AKAP6: variants seen among roughly 807,000 people sequenced by gnomAD.
The protein encoded by AKAP6 is A-kinase anchoring protein 6.
A neutral mutation model predicts 188.5 loss-of-function variants in AKAP6; 58 were observed. The observed-to-expected ratio is 0.31, with a 90% CI of 0.25 to 0.38. The LOEUF (loss-of-function observed/expected upper bound fraction) is 0.38. Among genes scored for constraint, AKAP6 ranks in the 10% least tolerant of loss-of-function variants. The pLI, the probability that AKAP6 is intolerant of heterozygous loss-of-function variation, is 1.00. For missense variants in AKAP6, 2,710 were observed against 2,740.0 expected, an observed-to-expected ratio of 0.99 and a Z score of 0.24; for synonymous variants, 989 against 998.6, an observed-to-expected ratio of 0.99 and a Z score of 0.18.
intron 11 of AKAP6, among the ~76,000 whole-genome samples, chr14:32,736,726 T>A (rs1467447012): frequency 2.0e-5 from 3 of 152,128 alleles, no homozygotes; most frequent in African/African-American, 7.2e-5. Flanking sequence ...CCATTTCTTC[T>A]CAAAGCATCG....
chr14:32,337,447 A>G (rs144436705), intron 1 of AKAP6, among the ~76,000 whole-genome samples: 1 of 152,342 alleles, frequency 6.6e-6, no homozygotes, highest in African/African-American at 2.4e-5. Context: ...AGGTAACAAT[A>G]AAAACTACCA....
At chr14:32,485,306 A>G (rs1229147037) in intron 2 of AKAP6, among the ~76,000 whole-genome samples, 2 of 152,002 alleles carry the variant, frequency 1.3e-5, no homozygotes, top group Admixed American at 1.3e-4. Flanking sequence ...AGAATGATTT[A>G]TAATCGTTTG....
chr14:32,513,408 GT>G (rs1881356750), intron 2 of AKAP6, among the ~76,000 whole-genome samples: 1 of 152,160 alleles, frequency 6.6e-6, no homozygotes, highest in South Asian at 2.1e-4. Context: ...TTAATGATAT[GT>G]TATTTATCTG....
At chr14:32,535,446 T>A (rs1882628664) in intron 2 of AKAP6, 108 bp from the exon 3 acceptor site, 1 of 1,310,122 alleles carries the variant, frequency 7.6e-7, no homozygotes, top group African/African-American at 1.5e-5. Context: ...TGTGCTACTG[T>A]TGGCCCTGAT....
chr14:32,366,758 A>G (rs1887847709), intron 1 of AKAP6, among the ~76,000 whole-genome samples: 3 of 152,036 alleles, frequency 2.0e-5, no homozygotes, highest in Admixed American at 6.6e-5. Context: ...ATGGTCATCA[A>G]AGCTGTAAAA....
At chr14:32,815,235 T>C (rs1417578903) in intron 12 of AKAP6, among the ~76,000 whole-genome samples, 1 of 152,218 alleles carries the variant, frequency 6.6e-6, no homozygotes, top group Non-Finnish European at 1.5e-5. Context: ...TTGTCTGTTT[T>C]GAGTTTCTGA....
chr14:32,350,801 T>C (rs1026117206), intron 1 of AKAP6, among the ~76,000 whole-genome samples: 4 of 152,024 alleles, frequency 2.6e-5, no homozygotes, highest in African/African-American at 9.7e-5. Flanking sequence ...AGTTGAAGAT[T>C]TAACAGGGTA....
Position 32,492,930 on chromosome 14 carries a change from A to G in AKAP6, c.325-42624A>G, listed in dbSNP as rs531729344. On this transcript the variant is annotated intron_variant, in intron 2 of 13. Transcript: ENST00000280979. The stretch of plus-strand genomic sequence containing the variant: ...AAAACCATAAAAATGAAATGCCACC[A>G]TTATAATCTGTGATTAATCTACATT... Among the ~76,000 whole-genome samples, 7 of 152,352 alleles carry G rather than the reference A, an allele frequency of 4.6e-5. No individual in the cohort carries two copies. The South Asian group carries it at 1.4e-3, about 32-fold the overall frequency.
intron 7 of AKAP6, among the ~76,000 whole-genome samples, chr14:32,607,763 T>A (rs1483001174): frequency 6.6e-6 from 1 of 152,172 alleles, no homozygotes; most frequent in Non-Finnish European, 1.5e-5. Context: ...AAATACATTA[T>A]CAATTCTACC....
chr14:32,821,107 G>A (rs997281732), intron 12 of AKAP6, among the ~76,000 whole-genome samples: 11 of 152,216 alleles, frequency 7.2e-5, no homozygotes, highest in African/African-American at 2.7e-4. Context: ...GATTCAAAAT[G>A]TAGATGAATC....
intron 13 of AKAP6, among the ~76,000 whole-genome samples, chr14:32,827,493 G>T (rs751511954): frequency 6.6e-6 from 1 of 152,028 alleles, no homozygotes; most frequent in African/African-American, 2.4e-5. Context: ...TTTATTTACT[G>T]TGTTCTAATT....
At chr14:32,541,870 C>T (rs1882970686) in intron 3 of AKAP6, among the ~76,000 whole-genome samples, 1 of 152,104 alleles carries the variant, frequency 6.6e-6, no homozygotes, top group African/African-American at 2.4e-5. Context: ...AGTTATGAAG[C>T]ACAAAAGTTA....
intron 7 of AKAP6, among the ~76,000 whole-genome samples, chr14:32,617,963 GT>G (rs1566607503): frequency 6.6e-6 from 1 of 151,878 alleles, no homozygotes; most frequent in Non-Finnish European, 1.5e-5. Context: ...TTAAGCGTTT[GT>G]TCCTTTTTTG....
At chr14:32,652,779 G>T (rs1888284553) in intron 7 of AKAP6, among the ~76,000 whole-genome samples, 1 of 152,306 alleles carries the variant, frequency 6.6e-6, no homozygotes, top group South Asian at 2.1e-4. Context: ...TTAGAGTGGT[G>T]CAGTGGCTCA....
chr14:32,597,271 G>GCCAACTATT (rs1168526831), intron 5 of AKAP6, among the ~76,000 whole-genome samples: 3 of 152,112 alleles, frequency 2.0e-5, no homozygotes, highest in African/African-American at 7.2e-5. Context: ...GCTCATGATT[G>GCCAACTATT]CCAACTATTC....
chr14:32,767,714 C>A (rs2032761823), intron 11 of AKAP6, among the ~76,000 whole-genome samples: 1 of 152,144 alleles, frequency 6.6e-6, no homozygotes, highest in African/African-American at 2.4e-5. Flanking sequence ...ACCTTTCTTA[C>A]CTTCAGCAAC....
rs1291877495 is a variant in AKAP6, at chr14:32,545,647, G to A, written c.994G>A (p.Ala332Thr). The change falls in exon 4 of 14, where the codon GCT (alanine) becomes ACT (threonine). Residue 332 changes from alanine to threonine, a missense_variant. Physicochemically the swap from Ala to Thr is moderately conservative, Grantham distance 58. Coordinates refer to ENST00000280979, the MANE Select transcript of AKAP6 (RefSeq NM_004274.5). The part of the protein sequence containing the change: ...TLGVSSSSGE[A>T]LTNAAQPSSE... ...GGGGGTGTCATCATCTTCAGGAGAAGCTCTGACAAATGCTGCTCAACCCTC... is the reference window on the plus strand; with the variant it reads ...GGGGGTGTCATCATCTTCAGGAGAAACTCTGACAAATGCTGCTCAACCCTC... 1.2e-6 allele frequency: 2 copies of A among 1,614,144 alleles called. No homozygotes were observed. The highest frequency in any genetic ancestry group is 2.2e-5 in the South Asian group (2 of 91,080).
intron 1 of AKAP6, among the ~76,000 whole-genome samples, chr14:32,349,160 C>T (rs1007987984): frequency 2.0e-5 from 3 of 152,296 alleles, no homozygotes; most frequent in Admixed American, 1.3e-4. Flanking sequence ...GGGCAATGGC[C>T]ATTTCCAAAG....
intron 2 of AKAP6, among the ~76,000 whole-genome samples, chr14:32,442,833 C>T (rs915736512): frequency 7.2e-5 from 11 of 151,916 alleles, no homozygotes; most frequent in African/African-American, 2.7e-4. Context: ...GTCATAGCTA[C>T]CTTGAATAAG....
Sources: allele counts gnomAD v4.1 joint callset (sites outside exome capture counted in the v4.1 genomes callset), GRCh38; gene constraint gnomAD v4.1.1; transcripts MANE v1.5; gene names NCBI Gene and HGNC (gene_info 2026-07-23, HGNC 2026-07-21).